Variants in YAF2 observed in about 807,000 individuals in gnomAD.
YAF2 encodes the protein YY1-associated factor 2.
In YAF2, 7 loss-of-function variants were observed where a neutral mutation model predicts 20.1. The ratio of observed to expected loss-of-function variants is 0.35; its 90% CI spans 0.20 to 0.65. The LOEUF (loss-of-function observed/expected upper bound fraction) is 0.65. Ranked by LOEUF, YAF2 falls within the 30% of genes least tolerant of loss-of-function variation. The probability of loss-of-function intolerance (pLI) is 0.69; values close to 1 mark genes in which losing one functional copy is unlikely to be tolerated. For synonymous variants in YAF2, 74 were observed against 76.0 expected (o/e 0.97, Z 0.14); for missense variants, 151 against 219.2 (o/e 0.69, Z 1.96).
intron 2 of YAF2, among the ~76,000 whole-genome samples, chr12:42,227,570 CCTGT>C (rs1247940815): frequency 9.0e-4 from 134 of 149,638 alleles, no homozygotes; most frequent in African/African-American, 2.8e-3. Context: ...GCCCGGCCGC[CCTGT>C]CTGAGAAGTG....
chr12:42,196,016 G>A (rs1028405836), intron 2 of YAF2, among the ~76,000 whole-genome samples: 3 of 151,946 alleles, frequency 2.0e-5, no homozygotes, highest in Admixed American at 2.0e-4. Context: ...GAGGTCAGGA[G>A]TTGGAGACCA....
intron 2 of YAF2, among the ~76,000 whole-genome samples, chr12:42,191,153 C>T (rs77009681): frequency 0.011 from 1,598 of 152,128 alleles, 28 homozygotes; most frequent in African/African-American, 0.037. Flanking sequence ...TAAAGTCTAC[C>T]ATTGCTGTTA....
At chr12:42,163,244 G>A (rs2065838287) in intron 2 of YAF2, among the ~76,000 whole-genome samples, 1 of 152,146 alleles carries the variant, frequency 6.6e-6, no homozygotes, top group African/African-American at 2.4e-5. Flanking sequence ...ATGGAGAGCA[G>A]AGTGGCAGAG....
At chr12:42,163,450 A>G (rs2136955248) in intron 2 of YAF2, among the ~76,000 whole-genome samples, 1 of 152,314 alleles carries the variant, frequency 6.6e-6, no homozygotes. Flanking sequence ...GGTCTAATAA[A>G]TGATCATGTA....
At chr12:42,179,203 C>A (rs529706524) in intron 2 of YAF2, among the ~76,000 whole-genome samples, 1 of 152,306 alleles carries the variant, frequency 6.6e-6, no homozygotes, top group South Asian at 2.1e-4. Flanking sequence ...GGTGCATTGG[C>A]TCACACCTGT....
At chr12:42,182,329 G>A (rs751860995) in intron 2 of YAF2, among the ~76,000 whole-genome samples, 1 of 152,010 alleles carries the variant, frequency 6.6e-6, no homozygotes, top group South Asian at 2.1e-4. Flanking sequence ...ACTATTACAT[G>A]GTAACAGGTA....
At position 42,238,168 on chromosome 12, in the gene YAF2, T is replaced by C; in HGVS notation, c.13A>G (p.Lys5Glu). ...GGGCGCTGTTACCTGGTGGGGCTCT[T>C]CTTGTCTCCCATGGCTTGGCTATCA... The part of the protein sequence containing the change: MGDK[K>E]SPTRPKRQPK... Residue 5 changes from lysine (K) to glutamate (E), a missense_variant, in exon 1 of 4, where the codon AAG becomes GAG. Lys to Glu is a moderately conservative substitution (Grantham distance 56). Transcript: ENST00000534854. 1 of 1,545,702 alleles carries C rather than the reference T, an allele frequency of 6.5e-7. No individual in the cohort carries two copies.
intron 2 of YAF2, among the ~76,000 whole-genome samples, chr12:42,196,087 T>A (rs960097995): frequency 1.1e-4 from 17 of 151,714 alleles, no homozygotes; most frequent in African/African-American, 3.9e-4. Context: ...CAGGGTGTGG[T>A]GGCACATGCC....
chr12:42,228,665 G>A (rs1218040307), intron 2 of YAF2, among the ~76,000 whole-genome samples: 2 of 107,368 alleles, frequency 1.9e-5, no homozygotes, highest in Non-Finnish European at 3.8e-5. Context: ...GTGGGGGGGG[G>A]GTCAGCCCCC....
intron 2 of YAF2, among the ~76,000 whole-genome samples, chr12:42,205,139 T>C (rs1316105666): frequency 6.6e-6 from 1 of 151,740 alleles, no homozygotes; most frequent in African/African-American, 2.4e-5. Context: ...CTTTTTCTTG[T>C]ATAGACAAAT....
At chr12:42,234,380 G>A (rs2068079090) in intron 2 of YAF2, 2 of 985,382 alleles carry the variant, frequency 2.0e-6, no homozygotes, top group African/African-American at 3.5e-5. Flanking sequence ...ATTTTGGAGT[G>A]AGGGGCTGAA....
Position 42,237,700 on chromosome 12 carries a change from G to T in YAF2, c.51C>A (p.Ser17=). The T allele has an allele frequency of 6.4e-7, 1 of 1,567,904 alleles. No individual in the cohort carries two copies. Among genetic ancestry groups the T allele is most frequent in the Non-Finnish European group, 8.6e-7 (1 of 1,160,104 alleles). The change falls in exon 2 of 4, where the codon TCC becomes TCA. Residue 17 remains serine (S), a synonymous_variant. Transcript: ENST00000534854. ...PTRPKRQPKP[S]SDEGYWDCSV... ...TACAGTCCCAGTAACCCTCATCCGAGGACGGCTTCGGCTGCCGCTTCGGCC... is the reference window on the plus strand; with the variant it reads ...TACAGTCCCAGTAACCCTCATCCGATGACGGCTTCGGCTGCCGCTTCGGCC...
At chr12:42,194,803 T>G (rs1430497691) in intron 2 of YAF2, among the ~76,000 whole-genome samples, 1 of 152,138 alleles carries the variant, frequency 6.6e-6, no homozygotes, top group Non-Finnish European at 1.5e-5. Context: ...AAATATACAT[T>G]CTGGTAAAAA....
intron 2 of YAF2, among the ~76,000 whole-genome samples, chr12:42,197,380 A>G (rs79366410): frequency 6.6e-6 from 1 of 152,366 alleles, no homozygotes; most frequent in African/African-American, 2.4e-5. Flanking sequence ...ATGTGTGATC[A>G]CAGTGGATGG....
chr12:42,221,462 T>G (rs191710336), intron 2 of YAF2, among the ~76,000 whole-genome samples: 1 of 85,742 alleles, frequency 1.2e-5, no homozygotes, highest in East Asian at 2.9e-4. Context: ...TCCTAGCTAC[T>G]TGGGAGGTTG....
intron 2 of YAF2, chr12:42,235,367 A>G (rs2068115031): frequency 9.9e-7 from 1 of 1,014,896 alleles, no homozygotes. Context: ...TGTTTTTTTA[A>G]CATTACCAGA....
At chr12:42,167,574 T>G (rs948379405) in intron 2 of YAF2, among the ~76,000 whole-genome samples, 1 of 152,246 alleles carries the variant, frequency 6.6e-6, no homozygotes, top group Non-Finnish European at 1.5e-5. Flanking sequence ...CATTTGTGTA[T>G]CTACATATTA....
At position 42,227,964 on chromosome 12, in the gene YAF2, A is replaced by C. The variant is rs557838304; in HGVS notation, c.152+9635T>G. Among the ~76,000 whole-genome samples the C allele has an allele frequency of 7.0e-4, 97 of 137,744 alleles. 1 individual carries two copies. In the East Asian group the frequency reaches 0.013, roughly 19 times the overall value. 90.4% of individuals were successfully genotyped at this position (137,744 alleles called of 152,430 possible). ...AGCCCAGCCAGCCACCCTGTCCGGG[A>C]GGGAGGTGGGGGGGTCAGCCCCCCG... On this transcript the variant is annotated intron_variant, in intron 2 of 3. Coordinates refer to ENST00000534854, the MANE Select transcript of YAF2 (RefSeq NM_005748.6).
intron 2 of YAF2, among the ~76,000 whole-genome samples, chr12:42,205,056 A>T (rs1039064208): frequency 1.2e-5 from 1 of 82,982 alleles, no homozygotes; most frequent in African/African-American, 5.6e-5. Context: ...AGTTGTTATT[A>T]AAAAAAAAAA....
Sources: allele counts gnomAD v4.1 joint callset (sites outside exome capture counted in the v4.1 genomes callset), GRCh38; gene constraint gnomAD v4.1.1; transcripts MANE v1.5; gene names NCBI Gene and HGNC (gene_info 2026-07-23, HGNC 2026-07-21).